The following CDH11 variants were observed in gnomAD, a reference collection of about 807,000 sequenced individuals.
CDH11 encodes cadherin 11.
CDH11 carries 11 observed loss-of-function variants against 67.8 expected under a neutral mutation model. That is an observed-to-expected ratio of 0.16 (90% CI 0.10 to 0.27). The LOEUF is 0.27. Among genes scored for constraint, CDH11 ranks in the 10% least tolerant of loss-of-function variants. The pLI is 1.00. For missense variants in CDH11, 847 were observed against 1,031.2 expected, an observed-to-expected ratio of 0.82 and a Z score of 2.45; for synonymous variants, 419 against 400.0, an observed-to-expected ratio of 1.05 and a Z score of -0.57.
At chr16:65,100,555 G>A (rs868074781) in intron 1 of CDH11, among the ~76,000 whole-genome samples, 4 of 151,942 alleles carry the variant, frequency 2.6e-5, no homozygotes, top group African/African-American at 9.7e-5. Flanking sequence ...TGGTTGACAC[G>A]GTGAAACTCC....
At chr16:65,077,881 T>C (rs1355512157) in intron 1 of CDH11, among the ~76,000 whole-genome samples, 2 of 152,228 alleles carry the variant, frequency 1.3e-5, no homozygotes. Flanking sequence ...ATATTTTCCC[T>C]TCAATTAATG....
At chr16:64,978,556 G>A (rs1329461675) in intron 8 of CDH11, among the ~76,000 whole-genome samples, 1 of 152,190 alleles carries the variant, frequency 6.6e-6, no homozygotes, top group African/African-American at 2.4e-5. Flanking sequence ...TGGTTATGAA[G>A]GCTATGTGGT....
intron 1 of CDH11, among the ~76,000 whole-genome samples, chr16:65,076,418 C>T (rs1322001541): frequency 6.6e-6 from 1 of 152,176 alleles, no homozygotes; most frequent in Non-Finnish European, 1.5e-5. Context: ...CCACCAGCAG[C>T]ATCCATCAAT....
intron 1 of CDH11, among the ~76,000 whole-genome samples, chr16:65,054,507 C>T (rs1040889239): frequency 2.0e-5 from 3 of 152,134 alleles, no homozygotes; most frequent in Admixed American, 6.5e-5. Flanking sequence ...CACAACACCA[C>T]GTTTTAGACT....
intron 7 of CDH11, 116 bp from the exon 8 acceptor site, chr16:64,982,417 C>T (rs2072378054): frequency 1.2e-6 from 1 of 805,286 alleles, no homozygotes; most frequent in African/African-American, 1.7e-5. Flanking sequence ...AAATCAGAGT[C>T]TACTCAATTT....
chr16:64,955,522 TAA>T (rs1372838784), intron 11 of CDH11, among the ~76,000 whole-genome samples: 4 of 152,084 alleles, frequency 2.6e-5, no homozygotes, highest in African/African-American at 9.7e-5. Flanking sequence ...GAGAATTGTT[TAA>T]AGCCAGGAGT....
At chr16:65,039,208 G>A (rs985666726) in intron 2 of CDH11, among the ~76,000 whole-genome samples, 3 of 152,166 alleles carry the variant, frequency 2.0e-5, no homozygotes, top group African/African-American at 7.2e-5. Flanking sequence ...CCTCATCGAT[G>A]TGTCTATTCT....
Position 64,988,211 on chromosome 16 carries a change from C to T in CDH11, c.945G>A (p.Ser315=), listed in dbSNP as rs28216. ...YNIVDGDGME[S]FEITTDYETQ... Reference sequence around the variant, plus strand: ...TTTCATAGTCCGTTGTGATTTCAAACGATTCCATACCATCTCCATCAACAA... The same window carrying T: ...TTTCATAGTCCGTTGTGATTTCAAATGATTCCATACCATCTCCATCAACAA... Residue 315 remains serine (S), a synonymous_variant, in exon 7 of 13, where the codon TCG becomes TCA. Coordinates refer to ENST00000268603, the MANE Select transcript of CDH11 (RefSeq NM_001797.4). The T allele has an allele frequency of 0.39, 621,678 of 1,611,772 alleles. 126,995 individuals are homozygous for T. Among genetic ancestry groups the T allele is most frequent in the Non-Finnish European group, 0.43 (505,430 of 1,178,466 alleles).
intron 2 of CDH11, among the ~76,000 whole-genome samples, chr16:65,008,581 T>C (rs1567525212): frequency 6.6e-6 from 1 of 152,192 alleles, no homozygotes; most frequent in Admixed American, 6.5e-5. Context: ...TGAATATTCT[T>C]CTCTTAAAGG....
chr16:65,102,452 T>A (rs1034182409), intron 1 of CDH11, among the ~76,000 whole-genome samples: 2 of 152,230 alleles, frequency 1.3e-5, no homozygotes. Context: ...AACTCTTACT[T>A]TGGAGAATCC....
At chr16:64,983,410 A>C (rs113384312) in intron 7 of CDH11, among the ~76,000 whole-genome samples, 52 of 152,290 alleles carry the variant, frequency 3.4e-4, no homozygotes, top group African/African-American at 1.2e-3. Flanking sequence ...AGTGCTCTGG[A>C]TGTTGCTGAA....
rs376561209 is a variant in CDH11 at position 65,058,328 on chromosome 16, T to C, written c.-297-4400A>G. Among the ~76,000 whole-genome samples the C allele has an allele frequency of 3.3e-5, 5 of 152,358 alleles. No homozygotes were observed. In the East Asian group the frequency reaches 7.7e-4, roughly 23 times the overall value. ...AGCAAACTATAATTAAATGTTTACA[T>C]GTTACTGTTGTATAAACAAGTGAAA... On this transcript the variant is annotated intron_variant, in intron 1 of 12. Coordinates refer to ENST00000268603, the MANE Select transcript of CDH11 (RefSeq NM_001797.4).
intron 1 of CDH11, among the ~76,000 whole-genome samples, chr16:65,102,782 C>G (rs2075013935): frequency 6.6e-6 from 1 of 152,200 alleles, no homozygotes; most frequent in Admixed American, 6.5e-5. Context: ...ATACCCTATT[C>G]TTGGCCATCC....
At chr16:64,965,264 C>T (rs1025752121) in intron 11 of CDH11, among the ~76,000 whole-genome samples, 1 of 148,720 alleles carries the variant, frequency 6.7e-6, no homozygotes, top group Admixed American at 6.7e-5. Flanking sequence ...CGCCTGTAAT[C>T]CCAGCTACCT....
chr16:64,945,571 A>G lies in CDH11; in HGVS notation c.*2032T>C. 9.7e-7 allele frequency: 1 copy of G among 1,030,128 alleles called. No homozygotes were observed. Among genetic ancestry groups the G allele is most frequent in the Non-Finnish European group, 1.2e-6 (1 of 856,566 alleles). The allele number at this position is 1,030,128 out of a possible 1,614,324, so 63.8% of individuals were successfully genotyped here. On this transcript the variant is annotated 3_prime_UTR_variant, in exon 13 of 13. Coordinates refer to ENST00000268603, the MANE Select transcript of CDH11 (RefSeq NM_001797.4). ...GCAAATCTAGCAAAATATTCTTTGGATTACAAAAACTATATAAAAAAATGA... is the reference window on the plus strand; with the variant it reads ...GCAAATCTAGCAAAATATTCTTTGGGTTACAAAAACTATATAAAAAAATGA...
Position 65,121,752 on chromosome 16 carries a change from T to G in CDH11, c.-298+128A>C. Reference sequence around the variant, plus strand: ...TTTGCTTTGCGTTAGTGAAGCCTTCTCGACTCAGATACCACCGTCCCCCTC... The same window carrying G: ...TTTGCTTTGCGTTAGTGAAGCCTTCGCGACTCAGATACCACCGTCCCCCTC... On this transcript the variant is annotated intron_variant, in intron 1 of 12. Coordinates refer to ENST00000268603, the MANE Select transcript of CDH11 (RefSeq NM_001797.4). The surrounding 1 kb of genome is among the most constrained non-coding windows in gnomAD (Gnocchi z 4.1). The G allele has an allele frequency of 2.9e-6, 2 of 691,108 alleles. No homozygotes were observed. The highest frequency in any genetic ancestry group is 5.3e-6 in the Non-Finnish European group (2 of 380,892). The allele number at this position is 691,108 out of a possible 1,614,324, so 42.8% of individuals were successfully genotyped here.
At chr16:64,980,850 T>G (rs1005313726) in intron 8 of CDH11, among the ~76,000 whole-genome samples, 8 of 152,038 alleles carry the variant, frequency 5.3e-5, no homozygotes, top group African/African-American at 1.9e-4. Context: ...TGGAGGCATA[T>G]AAAGAAATCC....
intron 11 of CDH11, among the ~76,000 whole-genome samples, chr16:64,958,468 A>G (rs1360528596): frequency 6.6e-6 from 1 of 152,204 alleles, no homozygotes; most frequent in African/African-American, 2.4e-5. Context: ...TAATATGGGC[A>G]AACGCTGTTG....
chr16:65,014,654 T>C (rs1173967020), intron 2 of CDH11, among the ~76,000 whole-genome samples: 1 of 152,044 alleles, frequency 6.6e-6, no homozygotes, highest in Admixed American at 6.6e-5. Context: ...AGAGGTAATA[T>C]GGTTCCAAAC....
Sources: gnomAD v4.1 joint callset for allele counts (sites outside exome capture counted in the v4.1 genomes callset) on GRCh38, gnomAD v4.1.1 for gene constraint, Gnocchi (gnomAD v3.1) non-coding constraint, MANE v1.5 for transcripts, NCBI Gene and HGNC (gene_info 2026-07-23, HGNC 2026-07-21) for gene names.